CACNA2D3: variants seen among roughly 807,000 people sequenced by gnomAD.
The protein encoded by CACNA2D3 is voltage-dependent calcium channel subunit alpha-2/delta-3.
A neutral mutation model predicts 160.6 loss-of-function variants in CACNA2D3; 60 were observed. The observed-to-expected ratio is 0.37, with a 90% CI of 0.30 to 0.46. The LOEUF (loss-of-function observed/expected upper bound fraction) is 0.46. CACNA2D3 is among the 20% of genes least tolerant of loss of function. CACNA2D3 has a pLI of 1.00. For missense variants in CACNA2D3, 1,205 were observed against 1,365.0 expected (o/e 0.88, Z 1.85); for synonymous variants, 558 against 492.9 (o/e 1.13, Z -1.75).
chr3:54,966,028 G>T (rs974312966), intron 27 of CACNA2D3, among the ~76,000 whole-genome samples: 26 of 152,256 alleles, frequency 1.7e-4, no homozygotes, highest in Admixed American at 1.2e-3. Flanking sequence ...GGACCGACAG[G>T]GGCAGATGAG....
At chr3:54,213,396 C>G (rs1030505563) in intron 2 of CACNA2D3, among the ~76,000 whole-genome samples, 4 of 152,176 alleles carry the variant, frequency 2.6e-5, no homozygotes, top group African/African-American at 9.7e-5. Context: ...AAAGGCCACC[C>G]CTCCTGCCTT....
At chr3:54,742,969 T>C (rs1559566229) in intron 11 of CACNA2D3, among the ~76,000 whole-genome samples, 1 of 152,200 alleles carries the variant, frequency 6.6e-6, no homozygotes, top group Non-Finnish European at 1.5e-5. Flanking sequence ...GAACTGAGCA[T>C]AGAGAAAGTA....
At chr3:54,166,204 G>C (rs1700451947) in intron 2 of CACNA2D3, among the ~76,000 whole-genome samples, 1 of 152,186 alleles carries the variant, frequency 6.6e-6, no homozygotes. Flanking sequence ...TCCAAGGTTG[G>C]AGATGTAACT....
At chr3:54,415,151 G>C (rs1699734692) in intron 4 of CACNA2D3, among the ~76,000 whole-genome samples, 1 of 152,032 alleles carries the variant, frequency 6.6e-6, no homozygotes, top group Admixed American at 6.6e-5. Flanking sequence ...AAAACTTAGT[G>C]TTTCTTTCAT....
intron 27 of CACNA2D3, among the ~76,000 whole-genome samples, chr3:54,963,674 C>T (rs1051512757): frequency 1.3e-5 from 2 of 152,160 alleles, no homozygotes; most frequent in Non-Finnish European, 1.5e-5. Context: ...TTGGATGATG[C>T]CCTGCATTCG....
In CACNA2D3 at chr3:54,715,131, A is replaced by G. The variant is rs368393874; in HGVS notation, c.1168-37468A>G. On this transcript the variant is annotated intron_variant, in intron 11 of 37. Coordinates refer to ENST00000474759, the MANE Select transcript of CACNA2D3 (RefSeq NM_018398.3). ...AGTTGCAAGTAGTAGATTGTCACCT[A>G]TACTTCTGATCGACCAGCTGTGAAT... 7.2e-5 allele frequency among the ~76,000 whole-genome samples: 11 copies of G among 152,292 alleles called. 1 individual carries two copies. Among genetic ancestry groups the G allele is most frequent in the African/African-American group, 2.4e-4 (10 of 41,560 alleles).
intron 16 of CACNA2D3, among the ~76,000 whole-genome samples, chr3:54,839,362 G>A (rs926478623): frequency 2.6e-5 from 4 of 152,136 alleles, no homozygotes; most frequent in Non-Finnish European, 5.9e-5. Flanking sequence ...AAAGTGGGAG[G>A]GGGATGCCCT....
At chr3:54,911,176 A>G (rs1700546145) in intron 27 of CACNA2D3, among the ~76,000 whole-genome samples, 1 of 152,144 alleles carries the variant, frequency 6.6e-6, no homozygotes, top group Non-Finnish European at 1.5e-5. Context: ...TTACCTAAAA[A>G]TAATTCCTAA....
intron 35 of CACNA2D3, among the ~76,000 whole-genome samples, chr3:55,059,933 C>A (rs1351533499): frequency 2.0e-5 from 3 of 152,028 alleles, no homozygotes; most frequent in African/African-American, 7.2e-5. Context: ...GGCTGCTCTT[C>A]TGTTTATCTG....
rs895032398 is a variant in CACNA2D3 at position 55,009,519 on chromosome 3, T to C, written c.2875+76T>C. ...TTCACTGGCTACTTTTCATCAGGGA[T>C]GTGCTGGCTCACAGAAAATTCCCCA... On this transcript the variant is annotated intron_variant, in intron 34 of 37. Transcript: ENST00000474759. The C allele has an allele frequency of 6.0e-6, 8 of 1,341,328 alleles. No individual in the cohort carries two copies. In the African/African-American group the frequency reaches 8.6e-5, roughly 14 times the overall value. 83.1% of individuals were successfully genotyped at this position (1,341,328 alleles called of 1,614,324 possible). A position where few individuals can be genotyped will look rare whatever the true frequency, so the allele number is the denominator to read the frequency against.
At chr3:54,263,150 CTTATT>C (rs1702435677) in intron 2 of CACNA2D3, among the ~76,000 whole-genome samples, 1 of 152,152 alleles carries the variant, frequency 6.6e-6, no homozygotes, top group Non-Finnish European at 1.5e-5. Flanking sequence ...GTGCAACTTG[CTTATT>C]TTGTTGCATA....
At chr3:54,412,103 T>C (rs956463455) in intron 4 of CACNA2D3, among the ~76,000 whole-genome samples, 14 of 152,290 alleles carry the variant, frequency 9.2e-5, no homozygotes, top group African/African-American at 3.4e-4. Flanking sequence ...GTATAGTACG[T>C]AGTCTTTTGT....
chr3:54,622,870 C>T (rs1000849174), intron 9 of CACNA2D3, among the ~76,000 whole-genome samples: 3 of 152,118 alleles, frequency 2.0e-5, no homozygotes, highest in Non-Finnish European at 4.4e-5. Context: ...CTGTTAAAGC[C>T]TCGAGCACCA....
At chr3:54,155,560 G>T (rs1441820055) in intron 2 of CACNA2D3, among the ~76,000 whole-genome samples, 2 of 152,200 alleles carry the variant, frequency 1.3e-5, no homozygotes, top group Non-Finnish European at 2.9e-5. Context: ...TTTGTTAAAG[G>T]TAACCTTAAA....
At position 54,122,754 on chromosome 3, in the gene CACNA2D3, C is replaced by T. The variant is rs1168486764; in HGVS notation, c.41C>T (p.Ala14Val). 5 of 1,221,624 alleles carry T rather than the reference C, an allele frequency of 4.1e-6. No homozygotes were observed. Among genetic ancestry groups the T allele is most frequent in the Middle Eastern group, 3.2e-4 (1 of 3,150 alleles). 75.7% of individuals were successfully genotyped at this position (1,221,624 alleles called of 1,614,324 possible). A position where few individuals can be genotyped will look rare whatever the true frequency, so the allele number is the denominator to read the frequency against. Reference sequence around the variant, plus strand: ...TCGCCGCGCCGCGCGTCCCGGGGGGCCTCGGCGCTTCTCGCTGCCGCGCTT... The same window carrying T: ...TCGCCGCGCCGCGCGTCCCGGGGGGTCTCGGCGCTTCTCGCTGCCGCGCTT... ...PGSPRRASRG[A>V]SALLAAALLY... is the part of the protein sequence containing the mutation. The change falls in exon 1 of 38, where the codon GCC becomes GTC. Residue 14 changes from alanine to valine, a missense_variant. Transcript: ENST00000474759.
chr3:54,280,530 A>C (rs1702853366), intron 2 of CACNA2D3, among the ~76,000 whole-genome samples: 1 of 148,664 alleles, frequency 6.7e-6, no homozygotes, highest in African/African-American at 2.5e-5. Flanking sequence ...TGAGGGCCTG[A>C]ACACTGTACT....
chr3:54,603,276 A>AGGCACTCCTCC (rs1703098842), intron 9 of CACNA2D3, among the ~76,000 whole-genome samples: 1 of 152,142 alleles, frequency 6.6e-6, no homozygotes, highest in Non-Finnish European at 1.5e-5. Context: ...CTCCTCCTAA[A>AGGCACTCCTCC]TAAGGCTCCA....
chr3:54,379,481 C>A (rs1171323934), intron 3 of CACNA2D3, among the ~76,000 whole-genome samples: 3 of 152,248 alleles, frequency 2.0e-5, no homozygotes, highest in Admixed American at 1.3e-4. Flanking sequence ...ATGACTCTAA[C>A]TGCAGTTGCA....
At chr3:54,552,886 CATTCACCTGAATTCTAATTAGAATTCTA>C (rs1276830288) in intron 5 of CACNA2D3, among the ~76,000 whole-genome samples, 2 of 152,206 alleles carry the variant, frequency 1.3e-5, no homozygotes, top group Admixed American at 6.5e-5. Context: ...AAATTCTAAT[CATTCACCTGAATTCTAATTAGAATTCTA>C]ATTCACATGA....
Sources: allele counts gnomAD v4.1 joint callset (sites outside exome capture counted in the v4.1 genomes callset), GRCh38; gene constraint gnomAD v4.1.1; transcripts MANE v1.5; gene names NCBI Gene and HGNC (gene_info 2026-07-23, HGNC 2026-07-21).